ZDHHC14: variants seen among roughly 807,000 people sequenced by gnomAD.
ZDHHC14 encodes zDHHC palmitoyltransferase 14, also known as palmitoyltransferase ZDHHC14.
Under a neutral mutation model 47.7 loss-of-function variants are expected in ZDHHC14, and 16 were observed. The observed-to-expected ratio is 0.34, with a 90% CI of 0.23 to 0.51. ZDHHC14 has a LOEUF of 0.51. Ranked by LOEUF, ZDHHC14 falls within the 20% of genes least tolerant of loss-of-function variation. The pLI, the probability that ZDHHC14 is intolerant of heterozygous loss-of-function variation, is 0.97. For synonymous variants in ZDHHC14, 293 were observed against 278.9 expected, an observed-to-expected ratio of 1.05 and a Z score of -0.50; for missense variants, 515 against 662.5, an observed-to-expected ratio of 0.78 and a Z score of 2.44.
chr6:157,561,968 C>CT (rs5881220), intron 2 of ZDHHC14, among the ~76,000 whole-genome samples: 1 of 151,962 alleles, frequency 6.6e-6, no homozygotes, highest in East Asian at 1.9e-4. Context: ...GGGTTAGATA[C>CT]TTTTTTTCCC....
At chr6:157,429,778 C>A (rs1778299364) in intron 1 of ZDHHC14, among the ~76,000 whole-genome samples, 1 of 152,154 alleles carries the variant, frequency 6.6e-6, no homozygotes, top group Non-Finnish European at 1.5e-5. Flanking sequence ...GTCTTCTCCT[C>A]CCTTTTCAAA....
intron 2 of ZDHHC14, 139 bp downstream of exon 2, chr6:157,542,884 C>T (rs1295534726): frequency 1.1e-5 from 12 of 1,081,942 alleles, no homozygotes; most frequent in South Asian, 6.8e-5. Context: ...TTCCTTAGCT[C>T]GCTGGGTGGG....
At chr6:157,454,631 A>AGT (rs2114806904) in intron 1 of ZDHHC14, among the ~76,000 whole-genome samples, 1 of 151,938 alleles carries the variant, frequency 6.6e-6, no homozygotes, top group East Asian at 1.9e-4. Flanking sequence ...AGCCTCCCCA[A>AGT]GTGCTGGGAT....
At chr6:157,539,143 C>T (rs1781653543) in intron 1 of ZDHHC14, among the ~76,000 whole-genome samples, 2 of 152,026 alleles carry the variant, frequency 1.3e-5, no homozygotes, top group Admixed American at 6.6e-5. Context: ...GGTGTGGTGG[C>T]TTATTCCTGT....
rs1391227979 is a variant in ZDHHC14, at chr6:157,463,308, G to T, written c.246-79277G>T. Among the ~76,000 whole-genome samples the T allele has an allele frequency of 2.0e-5, 3 of 152,156 alleles. No homozygotes were observed. The highest frequency in any genetic ancestry group is 4.4e-5 in the Non-Finnish European group (3 of 68,026). On this transcript the variant is annotated intron_variant, in intron 1 of 8. Transcript: ENST00000359775. The surrounding 1 kb of genome is among the most constrained non-coding windows in gnomAD (Gnocchi z 4.4). ...TCAATAGAAACAATTGAATAGTCCA[G>T]ATTCATTATTTTTTCCCCTCTTGCT...
chr6:157,474,697 C>CA (rs1304194327), intron 1 of ZDHHC14, among the ~76,000 whole-genome samples: 17 of 152,118 alleles, frequency 1.1e-4, no homozygotes, highest in Non-Finnish European at 5.9e-5. Flanking sequence ...ACCTGCTGGC[C>CA]ATTCATATGT....
At chr6:157,421,330 A>G (rs1778097271) in intron 1 of ZDHHC14, among the ~76,000 whole-genome samples, 1 of 151,510 alleles carries the variant, frequency 6.6e-6, no homozygotes, top group African/African-American at 2.4e-5. Context: ...TACTAAAAAT[A>G]TTAAAAAAAA....
intron 1 of ZDHHC14, among the ~76,000 whole-genome samples, chr6:157,394,126 C>G (rs748981593): frequency 6.6e-6 from 1 of 152,220 alleles, no homozygotes; most frequent in Non-Finnish European, 1.5e-5. Context: ...GGTTGCAGAA[C>G]TGTGGCCTGG....
At chr6:157,531,957 G>A (rs1781384173) in intron 1 of ZDHHC14, among the ~76,000 whole-genome samples, 1 of 152,278 alleles carries the variant, frequency 6.6e-6, no homozygotes, top group Admixed American at 6.5e-5. Flanking sequence ...GCGTGGGGGT[G>A]CCAGCTCCCT....
At chr6:157,541,655 A>T (rs574898198) in intron 1 of ZDHHC14, among the ~76,000 whole-genome samples, 1 of 152,332 alleles carries the variant, frequency 6.6e-6, no homozygotes, top group South Asian at 2.1e-4. Flanking sequence ...CAATGGACTG[A>T]CTGTGGTCAC....
intron 1 of ZDHHC14, among the ~76,000 whole-genome samples, chr6:157,522,533 A>C (rs1780958794): frequency 6.6e-6 from 1 of 151,900 alleles, no homozygotes; most frequent in East Asian, 1.9e-4. Context: ...TAGAGAAATA[A>C]CTCACATAGG....
intron 2 of ZDHHC14, among the ~76,000 whole-genome samples, chr6:157,547,798 A>G: frequency 6.7e-6 from 1 of 148,844 alleles, no homozygotes; most frequent in Non-Finnish European, 1.5e-5. Context: ...GCCATTATGA[A>G]TTTTTTATAG....
chr6:157,640,846 A>G (rs1298060044), intron 5 of ZDHHC14, among the ~76,000 whole-genome samples: 1 of 152,240 alleles, frequency 6.6e-6, no homozygotes, highest in Admixed American at 6.5e-5. Flanking sequence ...CAGAAATACA[A>G]GAGCAAAAAG....
intron 1 of ZDHHC14, among the ~76,000 whole-genome samples, chr6:157,474,691 G>C (rs113427306): frequency 0.16 from 23,579 of 152,052 alleles, 2,392 homozygotes; most frequent in Middle Eastern, 0.23. Flanking sequence ...TCATATACCT[G>C]CTGGCCATTC....
chr6:157,538,225 G>A (rs1781611260), intron 1 of ZDHHC14, among the ~76,000 whole-genome samples: 2 of 152,190 alleles, frequency 1.3e-5, no homozygotes, highest in African/African-American at 4.8e-5. Context: ...TTTAGCACAT[G>A]GAGGGTCTTA....
intron 1 of ZDHHC14, among the ~76,000 whole-genome samples, chr6:157,488,473 C>G (rs1413673364): frequency 6.6e-6 from 1 of 152,170 alleles, no homozygotes; most frequent in East Asian, 1.9e-4. Flanking sequence ...CACCATCATC[C>G]TATAGGGACA....
At chr6:157,423,273 C>A (rs1175001276) in intron 1 of ZDHHC14, among the ~76,000 whole-genome samples, 2 of 152,150 alleles carry the variant, frequency 1.3e-5, no homozygotes, top group African/African-American at 2.4e-5. Flanking sequence ...GCTGAAGGAA[C>A]TGACACAGAT....
intron 1 of ZDHHC14, among the ~76,000 whole-genome samples, chr6:157,540,348 T>C (rs1781699902): frequency 6.6e-6 from 1 of 152,130 alleles, no homozygotes; most frequent in Non-Finnish European, 1.5e-5. Context: ...CAAAGCATGC[T>C]AGAACTTGCT....
chr6:157,660,696 G>A (rs1778311761), intron 8 of ZDHHC14, among the ~76,000 whole-genome samples: 1 of 152,166 alleles, frequency 6.6e-6, no homozygotes, highest in Non-Finnish European at 1.5e-5. Context: ...TGGGCAGCCA[G>A]GCCTTGGCAG....
Sources: gnomAD v4.1 joint callset for allele counts (sites outside exome capture counted in the v4.1 genomes callset) on GRCh38, gnomAD v4.1.1 for gene constraint, Gnocchi (gnomAD v3.1) non-coding constraint, MANE v1.5 for transcripts, NCBI Gene and HGNC (gene_info 2026-07-23, HGNC 2026-07-21) for gene names.